Variants in ANGPT1 observed in about 807,000 individuals in gnomAD.
ANGPT1 encodes angiopoietin-1.
In ANGPT1, 17 loss-of-function variants were observed where a neutral mutation model predicts 62.2. The observed-to-expected ratio is 0.27, with a 90% confidence interval of 0.19 to 0.41. The LOEUF (loss-of-function observed/expected upper bound fraction) is 0.41. ANGPT1 is among the 10% of genes least tolerant of loss of function. The pLI, the probability that ANGPT1 is intolerant of heterozygous loss-of-function variation, is 1.00. For synonymous variants in ANGPT1, 199 were observed against 198.9 expected, an observed-to-expected ratio of 1.00 and a Z score of 0.00; for missense variants, 478 against 594.9, an observed-to-expected ratio of 0.80 and a Z score of 2.04.
At chr8:107,437,776 T>C (rs1332003657) in intron 1 of ANGPT1, among the ~76,000 whole-genome samples, 1 of 151,534 alleles carries the variant, frequency 6.6e-6, no homozygotes, top group African/African-American at 2.4e-5. Flanking sequence ...TAGAGTGGCA[T>C]GAAGAGGACA....
rs113413923 is a variant in ANGPT1 at position 107,376,576 on chromosome 8, T to C, written c.298-29479A>G. Among the ~76,000 whole-genome samples the C allele has an allele frequency of 7.7e-3, 1,174 of 152,218 alleles. 20 individuals are homozygous for C. Among genetic ancestry groups the C allele is most frequent in the African/African-American group, 0.027 (1,105 of 41,518 alleles). Reference sequence around the variant, plus strand: ...TGGGTTTTCTGTTTGTTTGGTTGGTTGGTTCAGGAGGAGGGAGCAGTGCAT... The same window carrying C: ...TGGGTTTTCTGTTTGTTTGGTTGGTCGGTTCAGGAGGAGGGAGCAGTGCAT... On this transcript the variant is annotated intron_variant, in intron 1 of 8. Transcript: ENST00000517746.
intron 1 of ANGPT1, among the ~76,000 whole-genome samples, chr8:107,489,695 G>A (rs1812907414): frequency 6.6e-6 from 1 of 152,104 alleles, no homozygotes; most frequent in South Asian, 2.1e-4. Flanking sequence ...TCCATGGAGG[G>A]CGTCATTCTT....
At chr8:107,326,632 A>T (rs978265847) in intron 3 of ANGPT1, among the ~76,000 whole-genome samples, 2 of 152,084 alleles carry the variant, frequency 1.3e-5, no homozygotes, top group African/African-American at 4.8e-5. Context: ...AATGGTTTCA[A>T]TGCAAACCTC....
chr8:107,293,197 G>GTGATGA (rs5893837), intron 6 of ANGPT1, among the ~76,000 whole-genome samples: 1,893 of 148,752 alleles, frequency 0.013, 20 homozygotes, highest in South Asian at 0.017. Flanking sequence ...GAGAAGAACT[G>GTGATGA]TGATGATGAT....
At chr8:107,464,528 A>G (rs1448179456) in intron 1 of ANGPT1, among the ~76,000 whole-genome samples, 3 of 152,090 alleles carry the variant, frequency 2.0e-5, no homozygotes, top group South Asian at 2.1e-4. Flanking sequence ...TGATAATACT[A>G]TGATCAAAGC....
At chr8:107,324,700 TG>T (rs1183828109) in intron 3 of ANGPT1, among the ~76,000 whole-genome samples, 12 of 152,222 alleles carry the variant, frequency 7.9e-5, no homozygotes, top group Admixed American at 5.9e-4. Flanking sequence ...GAAAGCTGCC[TG>T]TGAAGTCAAG....
rs1426083192 is a variant in ANGPT1, at chr8:107,370,360, G to GAAAA, written c.298-23264_298-23263insTTTT. Among the ~76,000 whole-genome samples the GAAAA allele has an allele frequency of 7.6e-4, 23 of 30,148 alleles. 2 individuals carry two copies. The highest frequency in any genetic ancestry group is 1.2e-3 in the Admixed American group (2 of 1,714). 19.8% of individuals were successfully genotyped at this position (30,148 alleles called of 152,430 possible). ...AAAGAAAAAGAAAGAAAGAAAGAAA[G>GAAAA]AAAGAAAGAAAGAAAGAAAGAAAGA... On this transcript the variant is annotated intron_variant, in intron 1 of 8. Transcript: ENST00000517746.
intron 1 of ANGPT1, among the ~76,000 whole-genome samples, chr8:107,433,793 G>A (rs1345431795): frequency 1.3e-5 from 2 of 152,132 alleles, no homozygotes. Flanking sequence ...CAAAGAGAGG[G>A]TAGATGAGCA....
intron 8 of ANGPT1, among the ~76,000 whole-genome samples, chr8:107,259,884 C>A (rs1179186532): frequency 6.6e-6 from 1 of 151,690 alleles, no homozygotes; most frequent in Non-Finnish European, 1.5e-5. Context: ...TTGTCACTGT[C>A]TTAATTTTGG....
intron 1 of ANGPT1, among the ~76,000 whole-genome samples, chr8:107,377,005 G>T (rs1201318298): frequency 6.6e-6 from 1 of 151,842 alleles, no homozygotes; most frequent in Non-Finnish European, 1.5e-5. Flanking sequence ...TCAAATCACA[G>T]CTCATCACTG....
intron 8 of ANGPT1, among the ~76,000 whole-genome samples, chr8:107,257,699 G>C (rs1162363239): frequency 6.6e-6 from 1 of 151,982 alleles, no homozygotes; most frequent in African/African-American, 2.4e-5. Context: ...GCCATCAATG[G>C]GATCATAATG....
chr8:107,466,726 A>G (rs1392140717), intron 1 of ANGPT1, among the ~76,000 whole-genome samples: 1 of 152,042 alleles, frequency 6.6e-6, no homozygotes, highest in Non-Finnish European at 1.5e-5. Flanking sequence ...AGCCTGGCCA[A>G]TATGGTGAAA....
chr8:107,496,195 C>T (rs534611501), intron 1 of ANGPT1, among the ~76,000 whole-genome samples: 1 of 152,210 alleles, frequency 6.6e-6, no homozygotes, highest in East Asian at 1.9e-4. Context: ...AATCCATTAA[C>T]AAGGGAGAGA....
intron 7 of ANGPT1, among the ~76,000 whole-genome samples, chr8:107,277,612 C>A (rs1813895902): frequency 6.6e-6 from 1 of 152,078 alleles, no homozygotes; most frequent in Non-Finnish European, 1.5e-5. Context: ...AAAAACAAAA[C>A]CTTAACAAGT....
At chr8:107,476,014 G>A (rs1048449885) in intron 1 of ANGPT1, among the ~76,000 whole-genome samples, 1 of 152,204 alleles carries the variant, frequency 6.6e-6, no homozygotes, top group South Asian at 2.1e-4. Context: ...AACCATTGTG[G>A]AAGACAGTGT....
intron 3 of ANGPT1, 151 bp downstream of exon 3, chr8:107,335,999 A>C (rs570683774): frequency 1.6e-6 from 1 of 644,460 alleles, no homozygotes; most frequent in East Asian, 3.7e-5. Flanking sequence ...AATTTACCTT[A>C]AGCTCTCCTT....
intron 1 of ANGPT1, among the ~76,000 whole-genome samples, chr8:107,380,259 A>T (rs1237385412): frequency 6.6e-6 from 1 of 152,034 alleles, no homozygotes; most frequent in Non-Finnish European, 1.5e-5. Flanking sequence ...TCAGTCTTTG[A>T]TTCTATTCAC....
At chr8:107,362,050 C>T (rs762482537) in intron 1 of ANGPT1, among the ~76,000 whole-genome samples, 4 of 152,014 alleles carry the variant, frequency 2.6e-5, no homozygotes, top group Non-Finnish European at 5.9e-5. Flanking sequence ...AGCGAGATTC[C>T]GTCTCAAAAT....
At chr8:107,373,842 C>T (rs1232958168) in intron 1 of ANGPT1, among the ~76,000 whole-genome samples, 2 of 152,086 alleles carry the variant, frequency 1.3e-5, no homozygotes, top group Non-Finnish European at 2.9e-5. Context: ...AGTAGATGAA[C>T]ATAATGATCT....
Sources: gnomAD v4.1 joint callset for allele counts (sites outside exome capture counted in the v4.1 genomes callset) on GRCh38, gnomAD v4.1.1 for gene constraint, MANE v1.5 for transcripts, NCBI Gene and HGNC (gene_info 2026-07-23, HGNC 2026-07-21) for gene names.